GPHN: variants seen among roughly 807,000 people sequenced by gnomAD.
GPHN encodes gephyrin.
In GPHN, 17 loss-of-function variants were observed where a neutral mutation model predicts 95.5. The observed-to-expected ratio is 0.18, with a 90% CI of 0.12 to 0.27. GPHN has a LOEUF of 0.27. Ranked by LOEUF, GPHN falls within the 10% of genes least tolerant of loss-of-function variation. GPHN has a pLI of 1.00. For synonymous variants in GPHN, 320 were observed against 322.5 expected, an observed-to-expected ratio of 0.99 and a Z score of 0.08; for missense variants, 660 against 978.1, an observed-to-expected ratio of 0.67 and a Z score of 4.34.
the GPHN span, chr14:67,725,147 C>T: frequency 2.5e-6 from 4 of 1,614,186 alleles, no homozygotes; most frequent in East Asian, 6.7e-5. Context: ...GGGGAGTCTG[C>T]TGCCAGTGAA....
intron 2 of GPHN, among the ~76,000 whole-genome samples, chr14:66,751,630 G>A (rs980248442): frequency 4.0e-5 from 6 of 151,828 alleles, no homozygotes; most frequent in Admixed American, 2.6e-4. Flanking sequence ...ATTTTCTCCC[G>A]TTCTGTAGGT....
the GPHN span, among the ~76,000 whole-genome samples, chr14:67,565,975 T>G: frequency 6.6e-6 from 1 of 151,942 alleles, no homozygotes; most frequent in Non-Finnish European, 1.5e-5. Context: ...CAAAAATTAT[T>G]TGGGCATGGT....
chr14:66,907,465 G>C (rs1008385739), intron 5 of GPHN, among the ~76,000 whole-genome samples: 3 of 152,116 alleles, frequency 2.0e-5, no homozygotes, highest in African/African-American at 7.2e-5. Context: ...AGATTTTTTA[G>C]AGCAGTAACA....
the GPHN span, among the ~76,000 whole-genome samples, chr14:67,405,028 G>C: frequency 6.6e-6 from 1 of 151,472 alleles, no homozygotes. Context: ...GAGGTCAGAA[G>C]TTCAAGACCA....
chr14:66,838,368 T>C (rs972546382), intron 4 of GPHN, among the ~76,000 whole-genome samples: 3 of 152,122 alleles, frequency 2.0e-5, no homozygotes, highest in African/African-American at 7.2e-5. Context: ...TTATAAGAAT[T>C]ATTCTCTGAA....
chr14:67,455,843 C>A, the GPHN span, among the ~76,000 whole-genome samples: 1 of 152,132 alleles, frequency 6.6e-6, no homozygotes, highest in South Asian at 2.1e-4. Flanking sequence ...AAGATATGAT[C>A]CCTACCCTCT....
chr14:67,597,773 G>A, the GPHN span, among the ~76,000 whole-genome samples: 1 of 150,694 alleles, frequency 6.6e-6, no homozygotes, highest in African/African-American at 2.4e-5. Context: ...AAAAAAAAAA[G>A]ACATTAAAGC....
At chr14:67,631,746 C>G in the GPHN span, among the ~76,000 whole-genome samples, 1 of 152,168 alleles carries the variant, frequency 6.6e-6, no homozygotes, top group East Asian at 1.9e-4. Flanking sequence ...TCCTCTTTTT[C>G]TAGCTACTTC....
Position 66,539,133 on chromosome 14 carries a change from A to G in GPHN, c.64+30542A>G, listed in dbSNP as rs539249295. 4.6e-5 allele frequency among the ~76,000 whole-genome samples: 7 copies of G among 152,256 alleles called. No homozygotes were observed. The East Asian group carries it at 1.2e-3, about 25-fold the overall frequency. ...AATTCTGTTCTTTAGAGGTTTTGAG[A>G]TTAGCCCGGTAATCTCTTGGTTTAT... On this transcript the variant is annotated intron_variant, in intron 1 of 22. Transcript: ENST00000478722.
At chr14:67,005,941 G>C (rs2072575875) in intron 9 of GPHN, among the ~76,000 whole-genome samples, 1 of 151,442 alleles carries the variant, frequency 6.6e-6, no homozygotes, top group South Asian at 2.1e-4. Flanking sequence ...GGGAGAAAAA[G>C]TAGGTATATT....
At chr14:67,492,373 C>T in the GPHN span, among the ~76,000 whole-genome samples, 1 of 152,224 alleles carries the variant, frequency 6.6e-6, no homozygotes, top group Non-Finnish European at 1.5e-5. Flanking sequence ...ATGCAGATCC[C>T]ATCAGGCAGC....
the GPHN span, chr14:67,270,801 A>G: frequency 6.6e-6 from 1 of 152,214 alleles, no homozygotes; most frequent in African/African-American, 2.4e-5. Context: ...CCTTCATTAA[A>G]TTAACTTGTG....
the GPHN span, among the ~76,000 whole-genome samples, chr14:67,252,825 CTG>C: frequency 6.6e-6 from 1 of 152,190 alleles, no homozygotes; most frequent in African/African-American, 2.4e-5. Context: ...ATATTAGAGA[CTG>C]TTCTGTTCTA....
At chr14:66,522,133 A>C (rs1261527420) in intron 1 of GPHN, among the ~76,000 whole-genome samples, 1 of 152,184 alleles carries the variant, frequency 6.6e-6, no homozygotes, top group Non-Finnish European at 1.5e-5. Context: ...TTTGTATATC[A>C]GGAGAACTCA....
intron 3 of GPHN, among the ~76,000 whole-genome samples, chr14:66,777,506 C>G (rs1415118436): frequency 2.6e-5 from 4 of 152,084 alleles, no homozygotes; most frequent in Non-Finnish European, 5.9e-5. Flanking sequence ...CAAAGCCGGG[C>G]AGAGACACAA....
the GPHN span, among the ~76,000 whole-genome samples, chr14:67,237,577 C>A: frequency 6.6e-6 from 1 of 151,952 alleles, no homozygotes; most frequent in Non-Finnish European, 1.5e-5. Flanking sequence ...CCCATCTTAG[C>A]CCCCTGATTA....
chr14:67,668,539 A>C, the GPHN span, among the ~76,000 whole-genome samples: 4 of 152,326 alleles, frequency 2.6e-5, no homozygotes, highest in East Asian at 7.7e-4. Context: ...ACAGAATAGA[A>C]ATAAATCACA....
chr14:66,605,918 G>A (rs1202003512), intron 1 of GPHN, among the ~76,000 whole-genome samples: 1 of 152,044 alleles, frequency 6.6e-6, no homozygotes. Context: ...CAGATGCATA[G>A]TTTGTGAATA....
the GPHN span, among the ~76,000 whole-genome samples, chr14:67,693,631 G>GTTTC: frequency 6.6e-6 from 1 of 150,640 alleles, no homozygotes; most frequent in African/African-American, 2.4e-5. Context: ...TAGAGTCCTT[G>GTTTC]TTTCTTTCTT....
Sources: gnomAD v4.1 joint callset for allele counts (sites outside exome capture counted in the v4.1 genomes callset) on GRCh38, gnomAD v4.1.1 for gene constraint, MANE v1.5 for transcripts, NCBI Gene and HGNC (gene_info 2026-07-23, HGNC 2026-07-21) for gene names.